DENND2A: variants seen among roughly 807,000 people sequenced by gnomAD.
DENND2A encodes DENN domain-containing protein 2A.
A neutral mutation model predicts 105.3 loss-of-function variants in DENND2A; 53 were observed. The ratio of observed to expected loss-of-function variants is 0.50; its 90% CI spans 0.40 to 0.63. The LOEUF (loss-of-function observed/expected upper bound fraction) is 0.63, where lower values mean the gene tolerates loss of function less well. DENND2A is among the 30% of genes least tolerant of loss of function. The pLI is 0.00. For synonymous variants in DENND2A, 522 were observed against 508.4 expected (o/e 1.03, Z -0.36); for missense variants, 1,138 against 1,279.6 (o/e 0.89, Z 1.69).
intron 1 of DENND2A, among the ~76,000 whole-genome samples, chr7:140,632,170 T>C (rs927457122): frequency 1.3e-5 from 2 of 152,118 alleles, no homozygotes; most frequent in African/African-American, 2.4e-5. Context: ...TATAGAAGTG[T>C]CCTGTTTTAA....
chr7:140,619,420 T>C (rs1407318719), intron 1 of DENND2A, among the ~76,000 whole-genome samples: 1 of 152,134 alleles, frequency 6.6e-6, no homozygotes, highest in Non-Finnish European at 1.5e-5. Flanking sequence ...TTTGCATTTC[T>C]TTCCAGGGTG....
At chr7:140,568,905 A>G (rs1797978758) in intron 7 of DENND2A, 92 bp from the exon 8 acceptor site, 1 of 1,305,312 alleles carries the variant, frequency 7.7e-7, no homozygotes, top group African/African-American at 1.5e-5. Flanking sequence ...CAAATGTTCT[A>G]ATTCAGAGGG....
intron 14 of DENND2A, among the ~76,000 whole-genome samples, chr7:140,530,437 G>T: frequency 6.6e-6 from 1 of 151,750 alleles, no homozygotes; most frequent in African/African-American, 2.4e-5. Context: ...GCAAATAATC[G>T]TTCTCCTGAT....
At chr7:140,624,459 C>T (rs561188790) in intron 1 of DENND2A, among the ~76,000 whole-genome samples, 5 of 152,314 alleles carry the variant, frequency 3.3e-5, no homozygotes, top group South Asian at 2.1e-4. Flanking sequence ...ACAGGTGGGA[C>T]GCCAGGGCTG....
intron 14 of DENND2A, among the ~76,000 whole-genome samples, chr7:140,534,622 G>A (rs1391007301): frequency 6.6e-6 from 1 of 152,214 alleles, no homozygotes; most frequent in Non-Finnish European, 1.5e-5. Flanking sequence ...GCACTCCTGG[G>A]ACTGGTGGTC....
chr7:140,557,413 A>C (rs1462257072), intron 11 of DENND2A, among the ~76,000 whole-genome samples: 1 of 149,138 alleles, frequency 6.7e-6, no homozygotes, highest in East Asian at 2.0e-4. Flanking sequence ...AATGAAATAA[A>C]AGTATTTTCT....
At chr7:140,555,301 T>A (rs1257566874) in intron 12 of DENND2A, among the ~76,000 whole-genome samples, 2 of 149,382 alleles carry the variant, frequency 1.3e-5, no homozygotes, top group Non-Finnish European at 3.0e-5. Context: ...GCCTGGCTAA[T>A]TTTTTTTTTG....
At chr7:140,529,382 T>C (rs1796174992) in intron 14 of DENND2A, among the ~76,000 whole-genome samples, 1 of 152,190 alleles carries the variant, frequency 6.6e-6, no homozygotes, top group Non-Finnish European at 1.5e-5. Flanking sequence ...TGGAAGACAG[T>C]GTGGCGATTC....
intron 5 of DENND2A, among the ~76,000 whole-genome samples, chr7:140,583,701 G>A (rs1301164417): frequency 6.7e-6 from 1 of 150,278 alleles, no homozygotes; most frequent in Non-Finnish European, 1.5e-5. Context: ...AGGCCAAGGC[G>A]GGCAGATCAC....
chr7:140,602,955 T>C (rs781250089), intron 2 of DENND2A, among the ~76,000 whole-genome samples: 4 of 151,974 alleles, frequency 2.6e-5, no homozygotes, highest in Non-Finnish European at 5.9e-5. Context: ...GTTTAAGTCC[T>C]CTAAACCTCA....
intron 1 of DENND2A, among the ~76,000 whole-genome samples, chr7:140,639,373 A>T (rs529055835): frequency 1.3e-5 from 2 of 150,296 alleles, no homozygotes; most frequent in South Asian, 4.3e-4. Flanking sequence ...AATAAAAAAC[A>T]AACGAAAGGA....
chr7:140,573,367 G>A (rs1033964033), intron 6 of DENND2A, among the ~76,000 whole-genome samples: 25 of 152,130 alleles, frequency 1.6e-4, no homozygotes, highest in Middle Eastern at 3.2e-3. Flanking sequence ...CAAGCCCCTG[G>A]GAATATTTTA....
At chr7:140,599,863 G>C (rs911223667) in intron 3 of DENND2A, among the ~76,000 whole-genome samples, 1 of 151,998 alleles carries the variant, frequency 6.6e-6, no homozygotes, top group African/African-American at 2.4e-5. Flanking sequence ...CATGCTGAGT[G>C]GGGGGTGACA....
At chr7:140,542,483 A>G (rs1167258790) in intron 14 of DENND2A, among the ~76,000 whole-genome samples, 1 of 150,812 alleles carries the variant, frequency 6.6e-6, no homozygotes, top group Non-Finnish European at 1.5e-5. Flanking sequence ...TCTGTCCACC[A>G]CTGCCGGCTC....
At chr7:140,526,167 TG>T (rs1796048175) in intron 15 of DENND2A, among the ~76,000 whole-genome samples, 2 of 152,202 alleles carry the variant, frequency 1.3e-5, no homozygotes, top group Admixed American at 6.6e-5. Flanking sequence ...GCCCCTGCCT[TG>T]TCCTTCCCCC....
At chr7:140,580,329 G>GCA (rs1315369229) in intron 5 of DENND2A, among the ~76,000 whole-genome samples, 15 of 152,276 alleles carry the variant, frequency 9.9e-5, no homozygotes, top group Non-Finnish European at 1.8e-4. Flanking sequence ...ATGCATGTAT[G>GCA]TATGTATTTA....
At chr7:140,531,503 A>G (rs1328061739) in intron 14 of DENND2A, among the ~76,000 whole-genome samples, 1 of 152,206 alleles carries the variant, frequency 6.6e-6, no homozygotes, top group Non-Finnish European at 1.5e-5. Context: ...GCTGTAAATA[A>G]CTATCTGTGT....
chr7:140,537,148 A>T (rs1796482203), intron 14 of DENND2A, among the ~76,000 whole-genome samples: 1 of 152,208 alleles, frequency 6.6e-6, no homozygotes, highest in South Asian at 2.1e-4. Flanking sequence ...TGTGGTGAGA[A>T]GCCCAACCTC....
chr7:140,591,671 C>CTCTTTCTTTCTTTCTTTCTTTCTTTCTT (rs890090370), intron 3 of DENND2A, among the ~76,000 whole-genome samples: 1 of 146,112 alleles, frequency 6.8e-6, no homozygotes, highest in African/African-American at 2.6e-5. Flanking sequence ...TTCTTTCTTT[C>CTCTTTCTTTCTTTCTTTCTTTCTTTCTT]TCTTTCTTTC....
Sources: allele counts gnomAD v4.1 joint callset (sites outside exome capture counted in the v4.1 genomes callset), GRCh38; gene constraint gnomAD v4.1.1; transcripts MANE v1.5; gene names NCBI Gene and HGNC (gene_info 2026-07-23, HGNC 2026-07-21).